Variants in SPECC1 observed in about 807,000 individuals in gnomAD.
The protein encoded by SPECC1 is sperm antigen with calponin homology and coiled-coil domains 1, also known as cytospin-B.
Under a neutral mutation model 104.1 loss-of-function variants are expected in SPECC1, and 62 were observed. The ratio of observed to expected loss-of-function variants is 0.60; its 90% CI spans 0.49 to 0.74. SPECC1 has a LOEUF of 0.74. SPECC1 is among the 30% of genes least tolerant of loss of function. The probability of loss-of-function intolerance (pLI) is 0.00; values close to 1 mark genes in which losing one functional copy is unlikely to be tolerated. For missense variants in SPECC1, 1,306 were observed against 1,310.5 expected (o/e 1.00, Z 0.05); for synonymous variants, 513 against 501.6 (o/e 1.02, Z -0.30).
chr17:20,133,835 G>C (rs1239999931), intron 3 of SPECC1, among the ~76,000 whole-genome samples: 2 of 152,118 alleles, frequency 1.3e-5, no homozygotes, highest in Non-Finnish European at 2.9e-5. Flanking sequence ...TTTGCACTCC[G>C]TATTCCCAAC....
chr17:20,267,522 C>G (rs1288537254), intron 12 of SPECC1, among the ~76,000 whole-genome samples: 1 of 151,976 alleles, frequency 6.6e-6, no homozygotes, highest in East Asian at 1.9e-4. Flanking sequence ...CTGGATATGC[C>G]CACTAATCAC....
chr17:20,249,416 TTAAAA>T (rs541331882), intron 9 of SPECC1, among the ~76,000 whole-genome samples: 69 of 152,134 alleles, frequency 4.5e-4, no homozygotes, highest in South Asian at 2.1e-3. Context: ...AGACTCCATC[TTAAAA>T]TAAAATAAAA....
chr17:20,301,364 G>A (rs1473081400), intron 13 of SPECC1, among the ~76,000 whole-genome samples: 3 of 151,862 alleles, frequency 2.0e-5, no homozygotes, highest in Non-Finnish European at 4.4e-5. Flanking sequence ...CATGTGTCCA[G>A]CCCCAGCCTG....
At chr17:20,263,391 G>C (rs773375710) in intron 12 of SPECC1, among the ~76,000 whole-genome samples, 2 of 149,154 alleles carry the variant, frequency 1.3e-5, no homozygotes, top group Non-Finnish European at 3.0e-5. Context: ...AGGGGGGAAG[G>C]ATAGCATTAG....
intron 3 of SPECC1, among the ~76,000 whole-genome samples, chr17:20,158,754 T>G (rs923118847): frequency 4.6e-5 from 7 of 151,766 alleles, no homozygotes; most frequent in African/African-American, 1.7e-4. Context: ...GCAAGTTCGG[T>G]TTTTTTTGTT....
chr17:20,297,168 T>C, intron 13 of SPECC1, 91 bp downstream of exon 13: 1 of 1,098,552 alleles, frequency 9.1e-7, no homozygotes. Flanking sequence ...CTTACAGGCC[T>C]GAAGTAGAAG....
At chr17:20,063,382 C>T (rs935560702) in intron 1 of SPECC1, among the ~76,000 whole-genome samples, 11 of 152,110 alleles carry the variant, frequency 7.2e-5, no homozygotes, top group African/African-American at 2.7e-4. Context: ...TAATTACGTT[C>T]TCTTTCTTGT....
intron 1 of SPECC1, among the ~76,000 whole-genome samples, chr17:20,034,478 C>T (rs2044974220): frequency 1.3e-5 from 2 of 152,084 alleles, no homozygotes; most frequent in African/African-American, 4.8e-5. Flanking sequence ...ATATACCTTT[C>T]ATCTAGTTGA....
At chr17:20,036,454 A>G (rs1203738520) in intron 1 of SPECC1, among the ~76,000 whole-genome samples, 1 of 152,238 alleles carries the variant, frequency 6.6e-6, no homozygotes, top group Admixed American at 6.5e-5. Flanking sequence ...TTAAACTGAC[A>G]GATAAAATTG....
At chr17:20,241,468 A>G (rs1438875056) in intron 7 of SPECC1, among the ~76,000 whole-genome samples, 1 of 152,098 alleles carries the variant, frequency 6.6e-6, no homozygotes, top group Admixed American at 6.5e-5. Context: ...GGTGGGGGAC[A>G]TTAGTTGGGG....
chr17:20,175,056 C>A (rs982802335), intron 3 of SPECC1, among the ~76,000 whole-genome samples: 1 of 152,138 alleles, frequency 6.6e-6, no homozygotes, highest in African/African-American at 2.4e-5. Flanking sequence ...AGCCTGGGGC[C>A]GCCTCTGTGC....
At chr17:20,200,465 G>A (rs1303571269) in intron 3 of SPECC1, among the ~76,000 whole-genome samples, 1 of 152,194 alleles carries the variant, frequency 6.6e-6, no homozygotes, top group African/African-American at 2.4e-5. Flanking sequence ...GCCTCAGGAG[G>A]ATGGTACACA....
intron 12 of SPECC1, among the ~76,000 whole-genome samples, chr17:20,264,497 A>G (rs1598107065): frequency 9.2e-6 from 1 of 108,276 alleles, no homozygotes; most frequent in Admixed American, 1.4e-4. Flanking sequence ...TTTGAGACAG[A>G]GTCTCACTCT....
intron 3 of SPECC1, among the ~76,000 whole-genome samples, chr17:20,118,767 A>C (rs1567856562): frequency 6.6e-6 from 1 of 152,236 alleles, no homozygotes; most frequent in Non-Finnish European, 1.5e-5. Context: ...GCTATACAAA[A>C]TTAAAAACAA....
chr17:20,316,033 C>T lies in SPECC1; in HGVS notation c.*1968C>T, dbSNP rs1436659788. On this transcript the variant is annotated 3_prime_UTR_variant, in exon 15 of 15. Coordinates refer to ENST00000395527, the MANE Select transcript of SPECC1 (RefSeq NM_001243439.2). Reference sequence around the variant, plus strand: ...TGGCAGCCACAAGGCAGGCAGCCTGCGGGAGCTCCTGAGCAGCTGTTGGGC... The same window carrying T: ...TGGCAGCCACAAGGCAGGCAGCCTGTGGGAGCTCCTGAGCAGCTGTTGGGC... 3 of 232,346 alleles carry T rather than the reference C, an allele frequency of 1.3e-5. No individual in the cohort carries two copies. The highest frequency in any genetic ancestry group is 1.7e-5 in the Non-Finnish European group (2 of 117,550). 14.4% of individuals were successfully genotyped at this position (232,346 alleles called of 1,614,324 possible). A position where few individuals can be genotyped will look rare whatever the true frequency, so the allele number is the denominator to read the frequency against.
At chr17:20,017,588 A>C (rs886162031) in intron 1 of SPECC1, 2 of 152,428 alleles carry the variant, frequency 1.3e-5, no homozygotes, top group African/African-American at 2.4e-5. Flanking sequence ...CTGTCCTCTT[A>C]CTTCTCTCGC....
chr17:20,229,297 C>T (rs1159799083), intron 5 of SPECC1, among the ~76,000 whole-genome samples: 6 of 152,102 alleles, frequency 3.9e-5, no homozygotes, highest in Non-Finnish European at 7.3e-5. Flanking sequence ...AGAGAAAACA[C>T]GTGTATTAGG....
At chr17:20,207,023 T>C (rs1177860455) in intron 4 of SPECC1, among the ~76,000 whole-genome samples, 2 of 152,208 alleles carry the variant, frequency 1.3e-5, no homozygotes, top group African/African-American at 2.4e-5. Flanking sequence ...TTTTATGATA[T>C]TCTGCCCACC....
At chr17:20,160,904 C>A (rs577891995) in intron 3 of SPECC1, among the ~76,000 whole-genome samples, 1 of 152,262 alleles carries the variant, frequency 6.6e-6, no homozygotes, top group African/African-American at 2.4e-5. Context: ...TTAAATTTTC[C>A]AAATCCATTG....
Sources: gnomAD v4.1 joint callset for allele counts (sites outside exome capture counted in the v4.1 genomes callset) on GRCh38, gnomAD v4.1.1 for gene constraint, MANE v1.5 for transcripts, NCBI Gene and HGNC (gene_info 2026-07-23, HGNC 2026-07-21) for gene names.